Variants in APTX observed in about 807,000 individuals in gnomAD.
The protein encoded by APTX is forkhead-associated domain histidine triad-like protein.
A neutral mutation model predicts 42.3 loss-of-function variants in APTX; 33 were observed. The ratio of observed to expected loss-of-function variants is 0.78; its 90% CI spans 0.59 to 1.04. APTX has a LOEUF of 1.04. APTX is among the 50% of genes least tolerant of loss of function. The probability of loss-of-function intolerance (pLI) is 0.00; values close to 1 mark genes in which losing one functional copy is unlikely to be tolerated. For missense variants in APTX, 421 were observed against 415.1 expected (o/e 1.01, Z -0.12); for synonymous variants, 130 against 146.7 (o/e 0.89, Z 0.82).
intron 1 of APTX, among the ~76,000 whole-genome samples, chr9:33,009,242 G>A (rs1378750371): frequency 1.3e-5 from 2 of 152,012 alleles, no homozygotes; most frequent in African/African-American, 2.4e-5. Flanking sequence ...ATCTTATAGT[G>A]GTCTATCCTG....
chr9:32,990,122 C>G (rs1484194343), intron 1 of APTX: 4 of 584,264 alleles, frequency 6.8e-6, no homozygotes, highest in South Asian at 2.1e-5. Context: ...ATTTACCTCC[C>G]TGCCTGAATC....
chr9:32,974,286 T>C (rs892579569), intron 7 of APTX, among the ~76,000 whole-genome samples, 172 bp downstream of exon 7: 1 of 152,188 alleles, frequency 6.6e-6, no homozygotes, highest in Admixed American at 6.5e-5. Flanking sequence ...AAAGTGGCAA[T>C]AATACTACAA....
At chr9:33,024,144 T>C (rs1838642611) in intron 1 of APTX, among the ~76,000 whole-genome samples, 1 of 152,238 alleles carries the variant, frequency 6.6e-6, no homozygotes, top group South Asian at 2.1e-4. Context: ...CTCACTAAAG[T>C]CTAACTGGGG....
At chr9:33,000,833 TTTTTTTTTTTTC>T (rs1836197523) in intron 1 of APTX, among the ~76,000 whole-genome samples, 1 of 123,284 alleles carries the variant, frequency 8.1e-6, no homozygotes, top group Non-Finnish European at 1.9e-5. Context: ...GGGAAAGGCT[TTTTTTTTTTTTC>T]TTTTTTTTTT....
intron 1 of APTX, among the ~76,000 whole-genome samples, chr9:33,010,298 G>C (rs1837449086): frequency 6.6e-6 from 1 of 152,182 alleles, no homozygotes; most frequent in African/African-American, 2.4e-5. Context: ...TTGGCCTCCA[G>C]TCAGATGAAA....
intron 1 of APTX, among the ~76,000 whole-genome samples, chr9:33,012,027 G>T (rs1040679165): frequency 6.6e-6 from 1 of 152,116 alleles, no homozygotes; most frequent in Admixed American, 6.5e-5. Flanking sequence ...ACAACCCCGA[G>T]ACACTCCTAC....
intron 1 of APTX, among the ~76,000 whole-genome samples, chr9:32,990,822 C>T (rs990045009): frequency 2.6e-5 from 4 of 152,192 alleles, no homozygotes; most frequent in Non-Finnish European, 4.4e-5. Flanking sequence ...CTTTATGTGT[C>T]ATAGGTTTTC....
intron 1 of APTX, among the ~76,000 whole-genome samples, chr9:32,999,799 C>A (rs1044229361): frequency 6.6e-6 from 1 of 152,028 alleles, no homozygotes; most frequent in African/African-American, 2.4e-5. Flanking sequence ...CACGGTGAAA[C>A]CCCGTCTCTA....
intron 6 of APTX, 98 bp downstream of exon 6, chr9:32,984,533 G>T: frequency 8.1e-7 from 1 of 1,241,970 alleles, no homozygotes; most frequent in Non-Finnish European, 1.2e-6. Context: ...CCACTTCCCT[G>T]GGTCTCAGTG....
intron 6 of APTX, among the ~76,000 whole-genome samples, chr9:32,974,764 T>C (rs1828952611): frequency 6.6e-6 from 1 of 152,132 alleles, no homozygotes; most frequent in Non-Finnish European, 1.5e-5. Flanking sequence ...AAGTATGTAC[T>C]ATGGCCAAAC....
chr9:33,016,222 T>C (rs1438479973), intron 1 of APTX: 3 of 152,248 alleles, frequency 2.0e-5, no homozygotes, highest in Non-Finnish European at 4.4e-5. Flanking sequence ...GATGGTGTGA[T>C]TGCCTGTGTG....
chr9:33,013,322 G>C (rs1435439999), intron 1 of APTX, among the ~76,000 whole-genome samples: 1 of 152,164 alleles, frequency 6.6e-6, no homozygotes, highest in East Asian at 1.9e-4. Flanking sequence ...GTTTGTGGCG[G>C]GGCCAGGATT....
chr9:32,978,160 A>G (rs1034134161), intron 6 of APTX, among the ~76,000 whole-genome samples: 1 of 152,236 alleles, frequency 6.6e-6, no homozygotes, highest in Non-Finnish European at 1.5e-5. Context: ...ATGGAAAGCC[A>G]TGTAGAACCA....
At chr9:33,024,006 T>C (rs1838627517) in intron 1 of APTX, among the ~76,000 whole-genome samples, 1 of 152,232 alleles carries the variant, frequency 6.6e-6, no homozygotes, top group Non-Finnish European at 1.5e-5. Context: ...CCTCCCATTT[T>C]CAAAACTCAG....
At chr9:32,976,919 C>A (rs1014918709) in intron 6 of APTX, among the ~76,000 whole-genome samples, 9 of 152,098 alleles carry the variant, frequency 5.9e-5, no homozygotes, top group African/African-American at 2.2e-4. Context: ...ATATGCTAGT[C>A]CAAATATTAT....
chr9:32,973,711 C>CAAAAAAAAAAA, intron 7 of APTX, 59 bp from the exon 8 acceptor site: 3 of 1,331,626 alleles, frequency 2.3e-6, no homozygotes, highest in Non-Finnish European at 2.1e-6. Context: ...TATGAGATAC[C>CAAAAAAAAAAA]AAAAAAAAAA....
At chr9:32,977,051 T>C (rs1046109165) in intron 6 of APTX, among the ~76,000 whole-genome samples, 3 of 152,152 alleles carry the variant, frequency 2.0e-5, no homozygotes, top group African/African-American at 7.2e-5. Context: ...TGAAAAAAAA[T>C]GTAATTTCCA....
At chr9:33,016,122 T>G (rs1236026783) in intron 1 of APTX, 1 of 152,218 alleles carries the variant, frequency 6.6e-6, no homozygotes, top group Non-Finnish European at 1.5e-5. Flanking sequence ...CTATTAAAAG[T>G]CATTTTGTTC....
At chr9:33,016,676 C>G (rs569433677) in intron 1 of APTX, among the ~76,000 whole-genome samples, 1 of 151,712 alleles carries the variant, frequency 6.6e-6, no homozygotes, top group Non-Finnish European at 1.5e-5. Flanking sequence ...CACTCCCCCC[C>G]CCATTTTTTT....
Sources: allele counts gnomAD v4.1 joint callset (sites outside exome capture counted in the v4.1 genomes callset), GRCh38; gene constraint gnomAD v4.1.1; transcripts MANE v1.5; gene names NCBI Gene and HGNC (gene_info 2026-07-23, HGNC 2026-07-21).